Variants in LARP1B observed in about 807,000 individuals in gnomAD.
LARP1B encodes La ribonucleoprotein 1B.
A neutral mutation model predicts 114.2 loss-of-function variants in LARP1B; 76 were observed. That is an observed-to-expected ratio of 0.67 (90% confidence interval 0.55 to 0.81). The LOEUF is 0.81. Among genes scored for constraint, LARP1B ranks in the 30% least tolerant of loss-of-function variants. LARP1B has a pLI of 0.00. For missense variants in LARP1B, 1,014 were observed against 1,075.8 expected (o/e 0.94, Z 0.80); for synonymous variants, 345 against 348.0 (o/e 0.99, Z 0.10).
chr4:128,144,791 C>A (rs1234227708), intron 11 of LARP1B, among the ~76,000 whole-genome samples: 1 of 152,042 alleles, frequency 6.6e-6, no homozygotes, highest in Admixed American at 6.6e-5. Flanking sequence ...TTATAGTTTG[C>A]ATTTTTTGGG....
chr4:128,207,448 CT>C (rs1757909071), intron 19 of LARP1B, 65 bp downstream of exon 19: 1 of 1,089,590 alleles, frequency 9.2e-7, no homozygotes, highest in Non-Finnish European at 1.2e-6. Context: ...TTATCAGTGA[CT>C]TTTTAAGCTT....
chr4:128,113,781 CTTT>C (rs1156610852), intron 9 of LARP1B, among the ~76,000 whole-genome samples: 6 of 114,246 alleles, frequency 5.3e-5, no homozygotes, highest in African/African-American at 1.7e-4. Flanking sequence ...GACATTTACT[CTTT>C]TTTTTTTTTT....
chr4:128,100,904 G>C (rs1048894124), intron 8 of LARP1B, among the ~76,000 whole-genome samples: 2 of 148,804 alleles, frequency 1.3e-5, no homozygotes, highest in African/African-American at 4.9e-5. Context: ...TGCAACCTGC[G>C]TTTCCTGGGT....
At chr4:128,069,123 C>T (rs536342112) in intron 1 of LARP1B, 54 of 1,089,050 alleles carry the variant, frequency 5.0e-5, no homozygotes, top group South Asian at 6.2e-5. Flanking sequence ...ATGGCTCTTT[C>T]GGCCTGCAGA....
chr4:128,082,012 A>C (rs1342883958), intron 4 of LARP1B, among the ~76,000 whole-genome samples, 153 bp from the exon 5 acceptor site: 1 of 152,272 alleles, frequency 6.6e-6, no homozygotes, highest in African/African-American at 2.4e-5. Flanking sequence ...CTGGGATTAC[A>C]GGCATGAGCC....
chr4:128,204,272 A>C (rs1756920325), intron 17 of LARP1B, among the ~76,000 whole-genome samples: 1 of 152,124 alleles, frequency 6.6e-6, no homozygotes, highest in Admixed American at 6.6e-5. Flanking sequence ...ACAAAAAAAA[A>C]AAATGGTTGG....
chr4:128,093,003 C>T (rs1489506799), intron 7 of LARP1B: 1 of 985,288 alleles, frequency 1.0e-6, no homozygotes, highest in African/African-American at 1.7e-5. Context: ...AATTTCTGAT[C>T]ATGCAGTGTA....
chr4:128,077,428 G>GA (rs1768394070), intron 3 of LARP1B, among the ~76,000 whole-genome samples: 1 of 152,002 alleles, frequency 6.6e-6, no homozygotes, highest in Non-Finnish European at 1.5e-5. Context: ...TTGAACCCAG[G>GA]AGGTGGAGGC....
intron 1 of LARP1B, among the ~76,000 whole-genome samples, chr4:128,073,399 G>C (rs1165498807): frequency 9.4e-6 from 1 of 106,084 alleles, no homozygotes; most frequent in Non-Finnish European, 1.7e-5. Flanking sequence ...CTGGGCGACA[G>C]AGTGAGAAGA....
chr4:128,101,227 A>G (rs1780216503), intron 8 of LARP1B, among the ~76,000 whole-genome samples: 1 of 151,712 alleles, frequency 6.6e-6, no homozygotes, highest in African/African-American at 2.4e-5. Flanking sequence ...TAATCCCAGC[A>G]CTTTGGGAGG....
At chr4:128,152,637 AAAG>A (rs1733397838) in intron 11 of LARP1B, among the ~76,000 whole-genome samples, 1 of 151,460 alleles carries the variant, frequency 6.6e-6, no homozygotes, top group Non-Finnish European at 1.5e-5. Flanking sequence ...ATTCTTCTAT[AAAG>A]AAGAACTTTC....
intron 11 of LARP1B, among the ~76,000 whole-genome samples, chr4:128,157,305 A>G (rs1040364042): frequency 6.6e-6 from 1 of 152,194 alleles, no homozygotes; most frequent in African/African-American, 2.4e-5. Context: ...AGATGGATCA[A>G]AAGAAAAATC....
intron 11 of LARP1B, chr4:128,122,772 T>TA: frequency 8.6e-7 from 1 of 1,169,314 alleles, no homozygotes; most frequent in Non-Finnish European, 1.1e-6. Flanking sequence ...AATCTTGTTC[T>TA]AATTTTTTTT....
At chr4:128,112,023 A>G (rs907024476) in intron 9 of LARP1B, among the ~76,000 whole-genome samples, 2 of 151,808 alleles carry the variant, frequency 1.3e-5, no homozygotes, top group Admixed American at 1.3e-4. Context: ...TGTATGGTTC[A>G]TTAAAAAGAA....
chr4:128,138,619 G>T lies in LARP1B; in HGVS notation c.1524+16431G>T, dbSNP rs1298504150. Among the ~76,000 whole-genome samples, 5 of 152,122 alleles carry T rather than the reference G, an allele frequency of 3.3e-5. No homozygotes were observed. The East Asian group carries it at 9.6e-4, about 29-fold the overall frequency. ...TACCTGAGCTGTACATAAGAAATTA[G>T]AATTCATGAGAACGTGAATGAGAGT... On this transcript the variant is annotated intron_variant, in intron 11 of 19. Coordinates refer to ENST00000326639, the MANE Select transcript of LARP1B (RefSeq NM_018078.4).
At chr4:128,124,958 C>T (rs2150040269) in intron 11 of LARP1B, among the ~76,000 whole-genome samples, 1 of 152,216 alleles carries the variant, frequency 6.6e-6, no homozygotes, top group African/African-American at 2.4e-5. Context: ...TTTTTGACCT[C>T]TGCAAAAAGA....
chr4:128,181,478 C>T (rs1748361787), intron 15 of LARP1B, among the ~76,000 whole-genome samples: 1 of 152,058 alleles, frequency 6.6e-6, no homozygotes, highest in East Asian at 1.9e-4. Flanking sequence ...CTGCGCCCAG[C>T]TGTCTCATCT....
chr4:128,177,762 CAGT>C (rs1393831366), intron 13 of LARP1B, among the ~76,000 whole-genome samples: 3 of 152,046 alleles, frequency 2.0e-5, no homozygotes, highest in African/African-American at 7.3e-5. Flanking sequence ...GTTTGGCTGT[CAGT>C]AGTCATTAAG....
downstream of LARP1B, chr4:128,222,727 T>C (rs963338530): frequency 2.2e-4 from 39 of 178,540 alleles, no homozygotes; most frequent in African/African-American, 9.0e-4. Flanking sequence ...CTGTCTCCAA[T>C]AGACATTCCA....
Sources: allele counts gnomAD v4.1 joint callset (sites outside exome capture counted in the v4.1 genomes callset), GRCh38; gene constraint gnomAD v4.1.1; transcripts MANE v1.5; gene names NCBI Gene and HGNC (gene_info 2026-07-23, HGNC 2026-07-21).